The following ELAVL1 variants were observed in gnomAD, a reference collection of about 807,000 sequenced individuals.
ELAVL1 encodes the protein ELAV like RNA binding protein 1.
In ELAVL1, 1 loss-of-function variant was observed where a neutral mutation model predicts 28.4. That is an observed-to-expected ratio of 0.04 (90% CI 0.01 to 0.17). The LOEUF is 0.17. Ranked by LOEUF, ELAVL1 falls within the 10% of genes least tolerant of loss-of-function variation. ELAVL1 has a pLI of 1.00. For missense variants in ELAVL1, 157 were observed against 447.2 expected, an observed-to-expected ratio of 0.35 and a Z score of 5.85; for synonymous variants, 174 against 183.5, an observed-to-expected ratio of 0.95 and a Z score of 0.42.
chr19:7,997,971 A>G (rs1452626150), intron 1 of ELAVL1, among the ~76,000 whole-genome samples: 1 of 152,006 alleles, frequency 6.6e-6, no homozygotes, highest in East Asian at 1.9e-4. Context: ...ACAAAACCAC[A>G]ATAAAAATAA....
intron 4 of ELAVL1, among the ~76,000 whole-genome samples, chr19:7,970,683 G>A (rs1985082557): frequency 6.6e-6 from 1 of 152,082 alleles, no homozygotes; most frequent in African/African-American, 2.4e-5. Context: ...AGAAGCGAAG[G>A]AATACAAAAA....
chr19:7,974,772 G>C (rs1013516409), intron 3 of ELAVL1, among the ~76,000 whole-genome samples: 9 of 152,196 alleles, frequency 5.9e-5, no homozygotes, highest in African/African-American at 2.2e-4. Flanking sequence ...GCACAGAACT[G>C]ATGAGCCAAG....
chr19:8,001,564 C>G (rs551925687), intron 1 of ELAVL1, among the ~76,000 whole-genome samples: 1 of 152,108 alleles, frequency 6.6e-6, no homozygotes, highest in African/African-American at 2.4e-5. Context: ...GTCTGGCCAT[C>G]GAGCTGTTCA....
intron 2 of ELAVL1, among the ~76,000 whole-genome samples, chr19:7,990,792 A>AGAG (rs1985730797): frequency 6.6e-6 from 1 of 151,954 alleles, no homozygotes; most frequent in African/African-American, 2.4e-5. Context: ...GCAGGGGGGT[A>AGAG]GGGGTGGGTA....
Position 7,963,363 on chromosome 19 carries a change from C to G in ELAVL1, c.*120G>C. The G allele has an allele frequency of 8.2e-7, 1 of 1,214,474 alleles. No homozygotes were observed. Among genetic ancestry groups the G allele is most frequent in the Admixed American group, 2.7e-5 (1 of 36,964 alleles). The allele number at this position is 1,214,474 out of a possible 1,614,324, so 75.2% of individuals were successfully genotyped here. A position where few individuals can be genotyped will look rare whatever the true frequency, so the allele number is the denominator to read the frequency against. ...AGAGTATAAAAACCTTCTCACTTCT[C>G]ATTCAGACAAAGACAAACACTTGTG... On this transcript the variant is annotated 3_prime_UTR_variant, in exon 6 of 6. Transcript: ENST00000407627. This position sits in a 1 kb window ranked among gnomAD's most constrained non-coding sequence, Gnocchi z 4.5.
At chr19:7,974,020 G>T in intron 3 of ELAVL1, 142 bp from the exon 4 acceptor site, 1 of 1,108,210 alleles carries the variant, frequency 9.0e-7, no homozygotes, top group Non-Finnish European at 1.3e-6. Context: ...GACGCTCACC[G>T]CCTGCAGCCG....
chr19:8,001,906 C>T (rs557532220), intron 1 of ELAVL1: 110 of 458,308 alleles, frequency 2.4e-4, no homozygotes, highest in African/African-American at 1.8e-3. Flanking sequence ...AGAAGCAGTC[C>T]CAGTCCTGAC....
chr19:7,984,850 A>C (rs1985558434), intron 2 of ELAVL1, among the ~76,000 whole-genome samples: 2 of 152,152 alleles, frequency 1.3e-5, no homozygotes, highest in South Asian at 4.1e-4. Context: ...AATAGAAACA[A>C]ATCTGGACAG....
chr19:8,004,778 G>A (rs1411997982), intron 1 of ELAVL1, among the ~76,000 whole-genome samples: 4 of 152,242 alleles, frequency 2.6e-5, no homozygotes, highest in East Asian at 1.9e-4. Flanking sequence ...CCTGCACACA[G>A]TAGGGACCAA....
intron 3 of ELAVL1, among the ~76,000 whole-genome samples, chr19:7,976,385 G>A (rs565193592): frequency 6.6e-6 from 1 of 150,916 alleles, no homozygotes; most frequent in Non-Finnish European, 1.5e-5. Context: ...CTGAGTGACA[G>A]AGCAAGACTC....
At chr19:7,985,391 TC>T (rs912722908) in intron 2 of ELAVL1, among the ~76,000 whole-genome samples, 1 of 152,094 alleles carries the variant, frequency 6.6e-6, no homozygotes, top group African/African-American at 2.4e-5. Flanking sequence ...CATCTGGAGT[TC>T]AAGGCAACAA....
intron 1 of ELAVL1, among the ~76,000 whole-genome samples, chr19:7,996,441 G>A (rs769052909): frequency 4.3e-4 from 65 of 150,772 alleles, no homozygotes; most frequent in Admixed American, 5.3e-4. Context: ...TGCCCACCTC[G>A]GCCTCCCAAA....
intron 5 of ELAVL1, among the ~76,000 whole-genome samples, chr19:7,967,313 G>A (rs1226089643): frequency 2.0e-5 from 3 of 152,284 alleles, no homozygotes; most frequent in Middle Eastern, 3.4e-3. Context: ...AGGATTACAG[G>A]GATAAGTCAC....
intron 4 of ELAVL1, 23 bp downstream of exon 4, chr19:7,973,702 C>T (rs755365805): frequency 3.4e-5 from 55 of 1,604,906 alleles, no homozygotes; most frequent in Non-Finnish European, 4.4e-5. Flanking sequence ...ACCCTCCCCA[C>T]GCGTCTGGGG....
Position 7,963,301 on chromosome 19 carries a change from TG to T in ELAVL1, c.*181del. On this transcript the variant is annotated 3_prime_UTR_variant, in exon 6 of 6. Transcript: ENST00000407627. The surrounding 1 kb of genome is among the most constrained non-coding windows in gnomAD (Gnocchi z 4.5). ...GAAACTTAAGATTGGTCTAACATTG[TG>T]GGATTTCAAACATTTGAACATGTCG... The T allele has an allele frequency of 1.5e-6, 1 of 671,818 alleles. No homozygotes were observed. The highest frequency in any genetic ancestry group is 2.5e-6 in the Non-Finnish European group (1 of 405,306). 41.6% of individuals were successfully genotyped at this position (671,818 alleles called of 1,614,324 possible).
chr19:7,992,836 ATCACAGC>A, intron 1 of ELAVL1, among the ~76,000 whole-genome samples: 1 of 152,320 alleles, frequency 6.6e-6, no homozygotes, highest in Non-Finnish European at 1.5e-5. Context: ...TGGCGGCGCC[ATCACAGC>A]TCACAGCAGC....
chr19:7,966,809 A>T (rs901968236), intron 5 of ELAVL1, among the ~76,000 whole-genome samples: 1 of 152,042 alleles, frequency 6.6e-6, no homozygotes, highest in Non-Finnish European at 1.5e-5. Flanking sequence ...TTGTAGGAAC[A>T]GGGGTCTCAC....
At chr19:7,999,730 G>A (rs1454056110) in intron 1 of ELAVL1, among the ~76,000 whole-genome samples, 2 of 151,990 alleles carry the variant, frequency 1.3e-5, no homozygotes, top group Admixed American at 6.5e-5. Flanking sequence ...CTGCAGGTGC[G>A]TGTCACTACG....
At position 7,981,028 on chromosome 19, in the gene ELAVL1, G is replaced by C; in HGVS notation, c.276+55C>G. 1 of 1,576,108 alleles carries C rather than the reference G, an allele frequency of 6.3e-7. No individual in the cohort carries two copies. The highest frequency in any genetic ancestry group is 8.7e-7 in the Non-Finnish European group (1 of 1,146,694). On this transcript the variant is annotated intron_variant, in intron 3 of 5. Transcript: ENST00000407627. This position sits in a 1 kb window ranked among gnomAD's most constrained non-coding sequence, Gnocchi z 4.2. ...TGACTGTGAGGCTGGGCGGGGCTCA[G>C]CACAGACCTGTGCCCAGGGCAGGAA...
Sources: allele counts gnomAD v4.1 joint callset (sites outside exome capture counted in the v4.1 genomes callset), GRCh38; gene constraint gnomAD v4.1.1; non-coding constraint Gnocchi (gnomAD v3.1); transcripts MANE v1.5; gene names NCBI Gene and HGNC (gene_info 2026-07-23, HGNC 2026-07-21).